Variants in FILIP1 observed in about 807,000 individuals in gnomAD.
FILIP1 encodes the protein filamin A interacting protein 1.
In FILIP1, 61 loss-of-function variants were observed where a neutral mutation model predicts 102.1. The ratio of observed to expected loss-of-function variants is 0.60; its 90% CI spans 0.49 to 0.74. FILIP1 has a LOEUF of 0.74. Among genes scored for constraint, FILIP1 ranks in the 30% least tolerant of loss-of-function variants. FILIP1 has a pLI of 0.00. For synonymous variants in FILIP1, 491 were observed against 526.9 expected (o/e 0.93, Z 0.93); for missense variants, 1,314 against 1,441.2 (o/e 0.91, Z 1.43).
intron 6 of FILIP1, among the ~76,000 whole-genome samples, chr6:75,299,123 T>G (rs1772766075): frequency 2.6e-5 from 4 of 152,046 alleles, no homozygotes; most frequent in Non-Finnish European, 4.4e-5. Flanking sequence ...TTTTTGTATA[T>G]AGTACAATAA....
At chr6:75,478,187 A>G (rs1779543073) in intron 1 of FILIP1, among the ~76,000 whole-genome samples, 1 of 152,210 alleles carries the variant, frequency 6.6e-6, no homozygotes, top group African/African-American at 2.4e-5. Context: ...AAGATAATCT[A>G]GATGATCAGC....
At chr6:75,397,543 C>A (rs1286180991) in intron 2 of FILIP1, among the ~76,000 whole-genome samples, 3 of 13,134 alleles carry the variant, frequency 2.3e-4, no homozygotes, top group Non-Finnish European at 4.8e-4. Flanking sequence ...ATAAGACACA[C>A]ACACACACAC....
At chr6:75,476,998 T>C (rs1779492503) in intron 1 of FILIP1, among the ~76,000 whole-genome samples, 1 of 152,198 alleles carries the variant, frequency 6.6e-6, no homozygotes. Context: ...GGTTATTAGT[T>C]TTAATTGGAA....
At chr6:75,445,750 G>T (rs902467358) in intron 1 of FILIP1, among the ~76,000 whole-genome samples, 1 of 151,208 alleles carries the variant, frequency 6.6e-6, no homozygotes, top group African/African-American at 2.4e-5. Context: ...ATTCTGCAAA[G>T]TCATAAGACT....
chr6:75,319,927 G>T, intron 4 of FILIP1: 1 of 458,082 alleles, frequency 2.2e-6, no homozygotes, highest in Non-Finnish European at 3.9e-6. Context: ...TTTGCACAAA[G>T]AATGCATATC....
At chr6:75,295,808 A>T (rs1327647194) in exon 7 of FILIP1, 2 of 658,332 alleles carry the variant, frequency 3.0e-6, no homozygotes, top group Non-Finnish European at 4.3e-6. Flanking sequence ...TATTTCCAGT[A>T]GTGATCAGTA....
In FILIP1 at chr6:75,416,600, A is replaced by AAG. The variant is rs1005640711; in HGVS notation, c.-6-1623_-6-1622insCT. Among the ~76,000 whole-genome samples the AAG allele has an allele frequency of 3.8e-4, 58 of 152,150 alleles. No homozygotes were observed. In the East Asian group the frequency reaches 0.01, roughly 27 times the overall value. On this transcript the variant is annotated intron_variant, in intron 1 of 5. Coordinates refer to ENST00000237172, the MANE Select transcript of FILIP1 (RefSeq NM_015687.5). ...AAGCCCCAATCCAAAAAAAAAAAAA[A>AAG]AAGAAGTGATGAATAAAGAGTTTCA...
chr6:75,342,595 T>C lies in FILIP1; in HGVS notation c.629+10944A>G, dbSNP rs377374892. Among the ~76,000 whole-genome samples the C allele has an allele frequency of 1.6e-4, 25 of 152,362 alleles. No individual in the cohort carries two copies. The East Asian group carries it at 4.0e-3, about 25-fold the overall frequency. On this transcript the variant is annotated intron_variant, in intron 4 of 5. Transcript: ENST00000237172. ...GATCTCCTGAGTTCATTCTAGGGCT[T>C]CAAGCCCTCATTTCTGGAGTTGCGA...
intron 4 of FILIP1, among the ~76,000 whole-genome samples, chr6:75,351,128 G>A (rs1001241375): frequency 2.6e-5 from 4 of 151,982 alleles, no homozygotes; most frequent in Admixed American, 1.3e-4. Flanking sequence ...GTGCAATGAC[G>A]CGATCTTGGC....
chr6:75,375,414 G>A (rs911102284), intron 2 of FILIP1, among the ~76,000 whole-genome samples: 4 of 152,194 alleles, frequency 2.6e-5, no homozygotes, highest in Non-Finnish European at 4.4e-5. Flanking sequence ...GCACTTACAG[G>A]GGCAGCCATC....
At chr6:75,479,158 A>G (rs962707568) in intron 1 of FILIP1, among the ~76,000 whole-genome samples, 2 of 152,202 alleles carry the variant, frequency 1.3e-5, no homozygotes, top group South Asian at 2.1e-4. Context: ...GTTTTTTCAT[A>G]TAAGAGTCTC....
chr6:75,323,398 C>T (rs1773728733), intron 4 of FILIP1, among the ~76,000 whole-genome samples: 1 of 151,760 alleles, frequency 6.6e-6, no homozygotes, highest in African/African-American at 2.4e-5. Flanking sequence ...AAATTAAAAC[C>T]CTGGAAAGTG....
intron 2 of FILIP1, among the ~76,000 whole-genome samples, chr6:75,391,452 A>G (rs1286964834): frequency 6.6e-6 from 1 of 152,096 alleles, no homozygotes; most frequent in East Asian, 1.9e-4. Context: ...CAAATCACAC[A>G]TCTACCCCAT....
intron 3 of FILIP1, among the ~76,000 whole-genome samples, 171 bp downstream of exon 3, chr6:75,362,573 T>G (rs765298277): frequency 6.6e-6 from 1 of 152,264 alleles, no homozygotes; most frequent in African/African-American, 2.4e-5. Flanking sequence ...TTCTTAACAT[T>G]GAAGCTTATC....
At chr6:75,398,893 C>T (rs1000889980) in intron 2 of FILIP1, 5 of 151,976 alleles carry the variant, frequency 3.3e-5, no homozygotes, top group African/African-American at 1.2e-4. Context: ...TTCTTATTCT[C>T]CCAAAGGAAG....
chr6:75,442,096 C>T (rs1217400876), intron 1 of FILIP1, among the ~76,000 whole-genome samples: 6 of 151,672 alleles, frequency 4.0e-5, no homozygotes, highest in African/African-American at 1.2e-4. Context: ...CGGGCAGAGA[C>T]GCTCCTCACC....
At chr6:75,319,225 T>C in intron 4 of FILIP1, 1 of 746,120 alleles carries the variant, frequency 1.3e-6, no homozygotes, top group Non-Finnish European at 2.4e-6. Context: ...CTTCGCAGCC[T>C]TCTTTTCATA....
At chr6:75,315,449 A>T (rs1251450935) in intron 4 of FILIP1, among the ~76,000 whole-genome samples, 1 of 152,210 alleles carries the variant, frequency 6.6e-6, no homozygotes, top group South Asian at 2.1e-4. Flanking sequence ...TGTAATTTGC[A>T]TGCTTGCTAT....
intron 4 of FILIP1, among the ~76,000 whole-genome samples, chr6:75,332,731 G>T (rs1465607929): frequency 6.6e-6 from 1 of 152,092 alleles, no homozygotes; most frequent in Non-Finnish European, 1.5e-5. Flanking sequence ...CATGTGTGAG[G>T]GTCTCCTTCC....
Sources: gnomAD v4.1 joint callset for allele counts (sites outside exome capture counted in the v4.1 genomes callset) on GRCh38, gnomAD v4.1.1 for gene constraint, MANE v1.5 for transcripts, NCBI Gene and HGNC (gene_info 2026-07-23, HGNC 2026-07-21) for gene names.